Variants in OR14I1 observed in about 807,000 individuals in gnomAD.
The protein encoded by OR14I1 is olfactory receptor 14I1.
For missense variants in OR14I1, 279 were observed against 181.8 expected (o/e 1.53, Z -3.07); for synonymous variants, 118 against 71.1 (o/e 1.66, Z -3.32).
upstream of OR14I1, among the ~76,000 whole-genome samples, chr1:248,686,594 T>G (rs577194773): frequency 4.2e-5 from 5 of 119,642 alleles, no homozygotes; most frequent in Admixed American, 4.0e-4. Context: ...CTTGTTTCAT[T>G]GGAAAAAAAT....
upstream of OR14I1, among the ~76,000 whole-genome samples, chr1:248,683,536 C>A (rs1051503000): frequency 1.4e-4 from 22 of 152,168 alleles, no homozygotes; most frequent in Middle Eastern, 6.8e-3. Flanking sequence ...TGCTACCAGG[C>A]AAATGTGAAA....
At chr1:248,695,778 A>T in the OR14I1 span, among the ~76,000 whole-genome samples, 218 of 152,312 alleles carry the variant, frequency 1.4e-3, 1 homozygote, top group African/African-American at 5.0e-3. Context: ...TGCAGGGCCC[A>T]TGGTAATATG....
At chr1:248,685,808 A>G (rs151094924), upstream of OR14I1, among the ~76,000 whole-genome samples, 196 of 151,098 alleles carry the variant, frequency 1.3e-3, 1 homozygote, top group African/African-American at 4.6e-3. Context: ...TTGTGTACAT[A>G]TAGTGTGTAT....
chr1:248,681,922 A>T lies in OR14I1; in HGVS notation c.383T>A (p.Leu128His), dbSNP rs149030847. The change falls in exon 1 of 1, where the codon CTC (leucine) becomes CAC (histidine). Residue 128 changes from leucine to histidine, a missense_variant. Coordinates refer to ENST00000342623, the Ensembl canonical transcript of OR14I1. ...TGATGTCATCACGGCTCTGTATTGG[A>T]GGGGGTGGCAAATGGCAACATAGCG... 205 of 781,004 alleles carry T rather than the reference A, an allele frequency of 2.6e-4. 1 individual carries two copies. The highest frequency in any genetic ancestry group is 6.8e-4 in the Admixed American group (40 of 59,032). The allele number at this position is 781,004 out of a possible 1,614,324, so 48.4% of individuals were successfully genotyped here.
chr1:248,691,220 T>A, the OR14I1 span, among the ~76,000 whole-genome samples: 1 of 152,210 alleles, frequency 6.6e-6, no homozygotes, highest in Non-Finnish European at 1.5e-5. Context: ...AAGGGACCCT[T>A]CATTCATTCA....
the OR14I1 span, among the ~76,000 whole-genome samples, chr1:248,701,217 T>C: frequency 6.6e-6 from 1 of 152,194 alleles, no homozygotes; most frequent in East Asian, 1.9e-4. Context: ...AGTGGCACCA[T>C]CTCGGCTCAC....
chr1:248,678,203 A>T (rs55842513), downstream of OR14I1, among the ~76,000 whole-genome samples: 22,196 of 152,196 alleles, frequency 0.15, 1,739 homozygotes, highest in African/African-American at 0.19. Flanking sequence ...AAGGACAATA[A>T]GGCAGGAACA....
chr1:248,685,643 C>T (rs1335946469), upstream of OR14I1, among the ~76,000 whole-genome samples: 2 of 151,392 alleles, frequency 1.3e-5, no homozygotes, highest in Non-Finnish European at 2.9e-5. Flanking sequence ...GGAAAAGCAT[C>T]ATATAATTTA....
At chr1:248,690,687 T>C in the OR14I1 span, among the ~76,000 whole-genome samples, 1 of 146,122 alleles carries the variant, frequency 6.8e-6, no homozygotes, top group Non-Finnish European at 1.5e-5. Flanking sequence ...TTTGAAACTA[T>C]TCCAAACAAC....
exon 1 of OR14I1, chr1:248,681,782 A>C: frequency 1.3e-6 from 1 of 781,102 alleles, no homozygotes; most frequent in Non-Finnish European, 2.4e-6. Flanking sequence ...TCACGGAAGA[A>C]CTGGTGGATC....
chr1:248,680,160 A>G (rs985469562), downstream of OR14I1, among the ~76,000 whole-genome samples: 1 of 152,248 alleles, frequency 6.6e-6, no homozygotes, highest in Admixed American at 6.5e-5. Context: ...TAAGAAAGAC[A>G]TTTAAAGCAA....
At chr1:248,695,826 A>C in the OR14I1 span, among the ~76,000 whole-genome samples, 2 of 152,232 alleles carry the variant, frequency 1.3e-5, no homozygotes, top group African/African-American at 4.8e-5. Context: ...GCTAAAAACA[A>C]TAATAAAATA....
chr1:248,693,816 C>T, the OR14I1 span, among the ~76,000 whole-genome samples: 4 of 151,286 alleles, frequency 2.6e-5, no homozygotes, highest in Admixed American at 2.0e-4. Context: ...CGTCGTTCCT[C>T]TCACTATGAA....
At chr1:248,681,322 T>G (rs1317424992) in exon 1 of OR14I1, 1 of 645,078 alleles carries the variant, frequency 1.6e-6, no homozygotes, top group African/African-American at 1.8e-5. Context: ...TATTTATGCT[T>G]TTTTGGGGTT....
chr1:248,682,378 CAG>C (rs1661583633), upstream of OR14I1: 1 of 649,708 alleles, frequency 1.5e-6, no homozygotes, highest in Middle Eastern at 2.9e-4. Context: ...AAAGTGAACA[CAG>C]TGTGGTAGGA....
At chr1:248,691,449 T>C in the OR14I1 span, among the ~76,000 whole-genome samples, 1 of 152,190 alleles carries the variant, frequency 6.6e-6, no homozygotes, top group Admixed American at 6.5e-5. Flanking sequence ...GAATTAAGTA[T>C]ATAGGTACCC....
chr1:248,682,121 T>G, exon 1 of OR14I1: 1 of 781,024 alleles, frequency 1.3e-6, no homozygotes, highest in East Asian at 2.4e-5. Context: ...GAGAGGTTCT[T>G]CAGGAAGAAG....
upstream of OR14I1, among the ~76,000 whole-genome samples, chr1:248,685,955 C>G (rs1661644153): frequency 2.6e-5 from 4 of 151,830 alleles, no homozygotes. Context: ...AGCATATATA[C>G]AATACACCTA....
downstream of OR14I1, among the ~76,000 whole-genome samples, chr1:248,679,756 C>T (rs1464384815): frequency 6.6e-6 from 1 of 152,166 alleles, no homozygotes; most frequent in Non-Finnish European, 1.5e-5. Context: ...ACATTTTCCC[C>T]ATCCTGGGCC....
Sources: allele counts gnomAD v4.1 joint callset (sites outside exome capture counted in the v4.1 genomes callset), GRCh38; gene constraint gnomAD v4.1.1; transcripts MANE v1.5; gene names NCBI Gene and HGNC (gene_info 2026-07-23, HGNC 2026-07-21).